Variants in PPM1L observed in about 807,000 individuals in gnomAD.
The protein encoded by PPM1L is protein phosphatase, Mg2+/Mn2+ dependent 1L.
PPM1L carries 13 observed loss-of-function variants against 31.4 expected under a neutral mutation model. The observed-to-expected ratio is 0.41, with a 90% CI of 0.27 to 0.66. The LOEUF is 0.66. PPM1L is among the 30% of genes least tolerant of loss of function. The pLI, the probability that PPM1L is intolerant of heterozygous loss-of-function variation, is 0.29. For missense variants in PPM1L, 326 were observed against 453.7 expected, an observed-to-expected ratio of 0.72 and a Z score of 2.56; for synonymous variants, 184 against 175.4, an observed-to-expected ratio of 1.05 and a Z score of -0.39.
At chr3:160,764,716 C>G (rs1259038723) in intron 1 of PPM1L, among the ~76,000 whole-genome samples, 16 of 152,164 alleles carry the variant, frequency 1.1e-4, no homozygotes, top group Non-Finnish European at 1.5e-5. Flanking sequence ...AATCTGCCCC[C>G]CTCGGCCTCC....
chr3:161,078,248 T>G lies in PPM1L; in HGVS notation c.*9091T>G, dbSNP rs1012342381. 2.6e-5 allele frequency: 4 copies of G among 152,172 alleles called. No individual in the cohort carries two copies. Among genetic ancestry groups the G allele is most frequent in the African/African-American group, 9.7e-5 (4 of 41,444 alleles). 9.4% of individuals were successfully genotyped at this position (152,172 alleles called of 1,614,324 possible). A position where few individuals can be genotyped will look rare whatever the true frequency, so the allele number is the denominator to read the frequency against. ...GGAAGGAAAAAAAGTAGTGTTTTTT[T>G]GGGGAACAGTATAATGTCTCAGAAG... is the stretch of plus-strand genomic sequence containing the variant. On this transcript the variant is annotated 3_prime_UTR_variant, in exon 4 of 4. Transcript: ENST00000498165.
chr3:161,039,648 G>A (rs999907279), intron 2 of PPM1L, among the ~76,000 whole-genome samples: 4 of 151,812 alleles, frequency 2.6e-5, no homozygotes, highest in Non-Finnish European at 4.4e-5. Context: ...TCAGCCTCCC[G>A]AGTAGCTGGG....
At chr3:160,898,150 C>T (rs2108051296) in intron 1 of PPM1L, among the ~76,000 whole-genome samples, 1 of 152,184 alleles carries the variant, frequency 6.6e-6, no homozygotes. Flanking sequence ...ACACTCATTC[C>T]TTTTTTTGGC....
At chr3:161,007,262 G>A (rs925923466) in intron 2 of PPM1L, among the ~76,000 whole-genome samples, 4 of 152,250 alleles carry the variant, frequency 2.6e-5, no homozygotes, top group Admixed American at 2.0e-4. Context: ...CAGGACATAA[G>A]TAGGTTACTA....
chr3:160,963,699 A>G (rs973993759), intron 2 of PPM1L, among the ~76,000 whole-genome samples: 8 of 152,056 alleles, frequency 5.3e-5, no homozygotes, highest in African/African-American at 1.9e-4. Flanking sequence ...ACAAGTAGAC[A>G]TCAAGGTGAG....
intron 1 of PPM1L, among the ~76,000 whole-genome samples, chr3:160,930,066 C>A (rs1714732898): frequency 6.6e-6 from 1 of 152,174 alleles, no homozygotes; most frequent in African/African-American, 2.4e-5. Context: ...TCCCAAGAAA[C>A]CTTCCTCAGA....
chr3:160,847,249 C>A (rs1267445362), intron 1 of PPM1L, among the ~76,000 whole-genome samples: 2 of 152,026 alleles, frequency 1.3e-5, no homozygotes, highest in Non-Finnish European at 2.9e-5. Context: ...ATTTGGGGGG[C>A]AAACATGGCA....
At chr3:160,970,692 A>ACCTT (rs1214676932) in intron 2 of PPM1L, among the ~76,000 whole-genome samples, 2 of 151,768 alleles carry the variant, frequency 1.3e-5, no homozygotes, top group Non-Finnish European at 2.9e-5. Flanking sequence ...TCCTGACCTC[A>ACCTT]AGTGATTCAC....
chr3:160,778,464 A>T lies in PPM1L; in HGVS notation c.399+21757A>T, dbSNP rs571245862. ...AAGGAGCATCTGGGTACTTGAAATT[A>T]TGTTGAGCCAATCTAAACACACTGA... is the stretch of plus-strand genomic sequence containing the variant. On this transcript the variant is annotated intron_variant, in intron 1 of 3. Coordinates refer to ENST00000498165, the MANE Select transcript of PPM1L (RefSeq NM_139245.4). 1.1e-4 allele frequency among the ~76,000 whole-genome samples: 16 copies of T among 152,322 alleles called. No individual in the cohort carries two copies. In the East Asian group the frequency reaches 2.9e-3, roughly 28 times the overall value.
Position 160,981,623 on chromosome 3 carries a change from T to C in PPM1L, c.574+19713T>C, listed in dbSNP as rs929647786. ...TATGAATACTAGGAGATGGAGATCA[T>C]TGGGGGCCTCTTGGAGGCTAACTAC... is the stretch of plus-strand genomic sequence containing the variant. On this transcript the variant is annotated intron_variant, in intron 2 of 3. Coordinates refer to ENST00000498165, the MANE Select transcript of PPM1L (RefSeq NM_139245.4). Among the ~76,000 whole-genome samples, 88 of 152,106 alleles carry C rather than the reference T, an allele frequency of 5.8e-4. 4 individuals are homozygous for C. Among genetic ancestry groups the C allele is most frequent in the Admixed American group, 6.5e-5 (1 of 15,276 alleles).
At chr3:160,980,233 C>T (rs1231212270) in intron 2 of PPM1L, among the ~76,000 whole-genome samples, 3 of 152,080 alleles carry the variant, frequency 2.0e-5, no homozygotes. Context: ...TGATGCTTTA[C>T]TTGGCCTTTT....
chr3:160,757,684 A>T (rs535173121), intron 1 of PPM1L, among the ~76,000 whole-genome samples: 10 of 152,172 alleles, frequency 6.6e-5, no homozygotes, highest in Admixed American at 3.9e-4. Flanking sequence ...CCATCTCTCA[A>T]ATTGGCGGTT....
At chr3:160,852,884 T>C (rs1711567273) in intron 1 of PPM1L, among the ~76,000 whole-genome samples, 1 of 152,244 alleles carries the variant, frequency 6.6e-6, no homozygotes, top group African/African-American at 2.4e-5. Context: ...TTTAAGATGT[T>C]AGTTTCCTGT....
rs1013916451 is a variant in PPM1L, at chr3:161,076,703, AAGAG to A, written c.*7552_*7555del. 13 of 152,270 alleles carry A rather than the reference AAGAG, an allele frequency of 8.5e-5. No homozygotes were observed. The highest frequency in any genetic ancestry group is 2.4e-4 in the African/African-American group (10 of 41,544). 9.4% of individuals were successfully genotyped at this position (152,270 alleles called of 1,614,324 possible). ...CTCATGGGCAGCCAGGAAAAAAAAA[AAGAG>A]AGAGAAAGACAAATAGAAATTTTAG... On this transcript the variant is annotated 3_prime_UTR_variant, in exon 4 of 4. Coordinates refer to ENST00000498165, the MANE Select transcript of PPM1L (RefSeq NM_139245.4).
intron 1 of PPM1L, among the ~76,000 whole-genome samples, chr3:160,947,489 C>T (rs1715445274): frequency 6.6e-6 from 1 of 152,108 alleles, no homozygotes; most frequent in African/African-American, 2.4e-5. Context: ...CTTGGCTTTA[C>T]ATCACTCTCT....
At chr3:160,945,117 C>CATATATGT (rs1559897802) in intron 1 of PPM1L, among the ~76,000 whole-genome samples, 11 of 10,302 alleles carry the variant, frequency 1.1e-3, no homozygotes, top group African/African-American at 3.6e-3. Context: ...TATATGTTAT[C>CATATATGT]TATCTATCTA....
At chr3:161,029,108 A>G (rs1252032405) in intron 2 of PPM1L, among the ~76,000 whole-genome samples, 1 of 152,242 alleles carries the variant, frequency 6.6e-6, no homozygotes, top group Non-Finnish European at 1.5e-5. Context: ...AACTGTATGT[A>G]TGTAGTCTAA....
intron 1 of PPM1L, among the ~76,000 whole-genome samples, chr3:160,773,634 CTTCTT>C (rs1420029822): frequency 1.3e-5 from 2 of 152,166 alleles, no homozygotes; most frequent in Non-Finnish European, 2.9e-5. Context: ...CTGAATGAGA[CTTCTT>C]TTAGAAAAGT....
intron 1 of PPM1L, chr3:160,870,670 G>C (rs1335882287): frequency 6.6e-6 from 1 of 152,164 alleles, no homozygotes; most frequent in Non-Finnish European, 1.5e-5. Context: ...TAAAGCCAGG[G>C]AATCAAAGTC....
Sources: allele counts gnomAD v4.1 joint callset (sites outside exome capture counted in the v4.1 genomes callset), GRCh38; gene constraint gnomAD v4.1.1; transcripts MANE v1.5; gene names NCBI Gene and HGNC (gene_info 2026-07-23, HGNC 2026-07-21).